SNED1: variants seen among roughly 807,000 people sequenced by gnomAD.
SNED1 encodes sushi, nidogen and EGF like domains 1.
In SNED1, 81 loss-of-function variants were observed where a neutral mutation model predicts 166.7. The ratio of observed to expected loss-of-function variants is 0.49; its 90% CI spans 0.41 to 0.58. SNED1 has a LOEUF of 0.58. Among genes scored for constraint, SNED1 ranks in the 20% least tolerant of loss-of-function variants. The probability of loss-of-function intolerance (pLI) is 0.00; values close to 1 mark genes in which losing one functional copy is unlikely to be tolerated. For missense variants in SNED1, 1,604 were observed against 2,000.2 expected, an observed-to-expected ratio of 0.80 and a Z score of 3.78; for synonymous variants, 762 against 822.0, an observed-to-expected ratio of 0.93 and a Z score of 1.25.
Position 241,092,550 on chromosome 2 carries a change from A to C in SNED1, c.*914A>C, listed in dbSNP as rs1292941658. 1 of 152,222 alleles carries C rather than the reference A, an allele frequency of 6.6e-6. No individual in the cohort carries two copies. The highest frequency in any genetic ancestry group is 1.5e-5 in the Non-Finnish European group (1 of 68,050). 9.4% of individuals were successfully genotyped at this position (152,222 alleles called of 1,614,324 possible). ...CTGAATGACAAGTCACAAGGGTATC[A>C]AAGAAAGACCCCTGAATTTTCATGG... On this transcript the variant is annotated 3_prime_UTR_variant, in exon 32 of 32. Transcript: ENST00000310397. The surrounding 1 kb of genome is among the most constrained non-coding windows in gnomAD (Gnocchi z 4.6).
At chr2:241,048,236 G>A in intron 8 of SNED1, 79 bp from the exon 9 acceptor site, 1 of 1,452,850 alleles carries the variant, frequency 6.9e-7, no homozygotes, top group Non-Finnish European at 9.1e-7. Context: ...AAACCCAAAG[G>A]TGCCATTGGA....
At chr2:241,038,436 G>A (rs1425850422) in intron 6 of SNED1, among the ~76,000 whole-genome samples, 1 of 152,224 alleles carries the variant, frequency 6.6e-6, no homozygotes, top group East Asian at 1.9e-4. Context: ...AAGTTCTGCA[G>A]GAATGCAATG....
chr2:241,023,979 G>T (rs1337535516), intron 1 of SNED1, among the ~76,000 whole-genome samples: 1 of 121,890 alleles, frequency 8.2e-6, no homozygotes, highest in East Asian at 2.8e-4. Flanking sequence ...TCCACCCCCC[G>T]GGTTCAGGCA....
chr2:241,037,394 G>A (rs200817412), intron 6 of SNED1, 41 bp downstream of exon 6: 224 of 1,348,420 alleles, frequency 1.7e-4, no homozygotes, highest in Admixed American at 3.9e-4. Context: ...CCTGCTGGGG[G>A]CAGGATAGCG....
intron 27 of SNED1, among the ~76,000 whole-genome samples, chr2:241,077,116 C>T (rs2125276385): frequency 6.6e-6 from 1 of 151,260 alleles, no homozygotes; most frequent in South Asian, 2.1e-4. Flanking sequence ...TGGAAATAAA[C>T]CACACGTCAA....
chr2:241,023,951 G>A (rs375192084), intron 1 of SNED1, among the ~76,000 whole-genome samples: 101 of 129,792 alleles, frequency 7.8e-4, no homozygotes, highest in South Asian at 2.2e-3. Flanking sequence ...GTGCAGTGAC[G>A]GAATCTCTGC....
In SNED1 at chr2:241,082,292, C is replaced by T. The variant is rs540076131; in HGVS notation, c.4049C>T (p.Ser1350Phe). 94 of 1,613,124 alleles carry T rather than the reference C, an allele frequency of 5.8e-5. No homozygotes were observed. The East Asian group carries it at 1.3e-3, about 22-fold the overall frequency. ...RRCELACIKV[S>F]RPCTRLFSET... The stretch of plus-strand genomic sequence containing the variant: ...TTTGTCGCAGCCTGTATAAAGGTGT[C>T]CCGCCCCTGCACAAGGCTGTTCTCC... The change falls in exon 29 of 32, where the codon TCC becomes TTC. Residue 1350 changes from serine (S) to phenylalanine (F), a missense_variant. Physicochemically the swap from Ser to Phe is radical, Grantham distance 155. Coordinates refer to ENST00000310397, the MANE Select transcript of SNED1 (RefSeq NM_001080437.3).
Position 241,051,700 on chromosome 2 carries a change from A to G in SNED1, c.1736-44A>G, listed in dbSNP as rs2061847073. 7 of 1,405,346 alleles carry G rather than the reference A, an allele frequency of 5.0e-6. No homozygotes were observed. The East Asian group carries it at 1.8e-4, about 35-fold the overall frequency. 87.1% of individuals were successfully genotyped at this position (1,405,346 alleles called of 1,614,324 possible). ...GAGGGTATAGTGGCTCTGTGGGGCC[A>G]GCAGCCTGGCCCCGTTCATCTGCCT... On this transcript the variant is annotated intron_variant, in intron 12 of 31. Coordinates refer to ENST00000310397, the MANE Select transcript of SNED1 (RefSeq NM_001080437.3). This position sits in a 1 kb window ranked among gnomAD's most constrained non-coding sequence, Gnocchi z 4.7.
At position 241,051,640 on chromosome 2, in the gene SNED1, GC is replaced by G. The variant is rs2061844795; in HGVS notation, c.1736-100del. On this transcript the variant is annotated intron_variant, in intron 12 of 31. Coordinates refer to ENST00000310397, the MANE Select transcript of SNED1 (RefSeq NM_001080437.3). This position sits in a 1 kb window ranked among gnomAD's most constrained non-coding sequence, Gnocchi z 4.7. ...CAGGCCCCAGGGCTTCGTCGAGAAG[GC>G]CCCACCAGCACCAGAGGACTGAGGA... is the stretch of plus-strand genomic sequence containing the variant. The G allele has an allele frequency of 2.2e-6, 2 of 917,240 alleles. No individual in the cohort carries two copies. The highest frequency in any genetic ancestry group is 1.7e-5 in the African/African-American group (1 of 59,530). The allele number at this position is 917,240 out of a possible 1,614,324, so 56.8% of individuals were successfully genotyped here.
At position 241,077,044 on chromosome 2, in the gene SNED1, A is replaced by C. The variant is rs187718471; in HGVS notation, c.3916+3680A>C. Among the ~76,000 whole-genome samples, 639 of 150,670 alleles carry C rather than the reference A, an allele frequency of 4.2e-3. 4 individuals are homozygous for C. Among genetic ancestry groups the C allele is most frequent in the African/African-American group, 0.015 (617 of 40,822 alleles). On this transcript the variant is annotated intron_variant, in intron 27 of 31. Coordinates refer to ENST00000310397, the MANE Select transcript of SNED1 (RefSeq NM_001080437.3). ...CAGTGAGCTGAGATTGCGCCACTGC[A>C]CTCCAGCCTGGGCGACAGAGCGAGA...
intron 31 of SNED1, chr2:241,089,913 G>A (rs921091637): frequency 4.6e-6 from 7 of 1,529,140 alleles, no homozygotes; most frequent in Non-Finnish European, 5.3e-6. Context: ...ACAGTGCCAA[G>A]TGTGTGTGTA....
chr2:241,021,362 T>C (rs1273169210), intron 1 of SNED1, among the ~76,000 whole-genome samples: 1 of 152,198 alleles, frequency 6.6e-6, no homozygotes, highest in East Asian at 1.9e-4. Context: ...ATTTACAGCG[T>C]TGTATATCCA....
Position 241,051,962 on chromosome 2 carries a change from G to A in SNED1, c.1853-79G>A. ...TGCCAGCTGTGGGTCTGCTTCTCATGAAGAGGCCCCAGCTCTGGGATGTTG... is the reference window on the plus strand; with the variant it reads ...TGCCAGCTGTGGGTCTGCTTCTCATAAAGAGGCCCCAGCTCTGGGATGTTG... On this transcript the variant is annotated intron_variant, in intron 13 of 31. Coordinates refer to ENST00000310397, the MANE Select transcript of SNED1 (RefSeq NM_001080437.3). This position sits in a 1 kb window ranked among gnomAD's most constrained non-coding sequence, Gnocchi z 4.7. 2 of 1,497,868 alleles carry A rather than the reference G, an allele frequency of 1.3e-6. No homozygotes were observed. Among genetic ancestry groups the A allele is most frequent in the Admixed American group, 1.9e-5 (1 of 52,936 alleles). 92.8% of individuals were successfully genotyped at this position (1,497,868 alleles called of 1,614,324 possible). A position where few individuals can be genotyped will look rare whatever the true frequency, so the allele number is the denominator to read the frequency against.
In SNED1 at chr2:241,049,939, G is replaced by A; in HGVS notation, c.1735+6G>A. 1 of 1,607,754 alleles carries A rather than the reference G, an allele frequency of 6.2e-7. No individual in the cohort carries two copies. The highest frequency in any genetic ancestry group is 1.7e-5 in the Admixed American group (1 of 59,990). On this transcript the variant is annotated splice_donor_region_variant and intron_variant, in intron 12 of 31. Coordinates refer to ENST00000310397, the MANE Select transcript of SNED1 (RefSeq NM_001080437.3). ...CGGCAAGCACTGCGAGAAAGGTATG[G>A]CGGGCAGGGGCGTCCGGGCCGGCGT...
intron 1 of SNED1, among the ~76,000 whole-genome samples, chr2:241,001,872 G>T (rs2060087184): frequency 1.3e-5 from 2 of 152,112 alleles, no homozygotes; most frequent in African/African-American, 4.8e-5. Flanking sequence ...TCAAGAGTGG[G>T]TGGTGCCCTG....
intron 4 of SNED1, among the ~76,000 whole-genome samples, chr2:241,036,168 C>T (rs2125021239): frequency 6.6e-6 from 1 of 151,590 alleles, no homozygotes; most frequent in East Asian, 1.9e-4. Flanking sequence ...AGGAAAGATG[C>T]AGTCGCAGGG....
chr2:241,041,079 A>T, intron 8 of SNED1: 1 of 341,356 alleles, frequency 2.9e-6, no homozygotes, highest in South Asian at 2.3e-5. Context: ...TAGTTTAAAA[A>T]ATTCAGGAGG....
Position 241,051,925 on chromosome 2 carries a change from A to AT in SNED1, c.1852+66dup. On this transcript the variant is annotated intron_variant, in intron 13 of 31. Transcript: ENST00000310397. This position sits in a 1 kb window ranked among gnomAD's most constrained non-coding sequence, Gnocchi z 4.7. ...GGCCAGCCCTGAGCTGGGGCCCCTG[A>AT]TGCACCCTCCCTGCCAGCTGTGGGT... is the stretch of plus-strand genomic sequence containing the variant. 4.1e-6 allele frequency: 6 copies of AT among 1,477,444 alleles called. No homozygotes were observed. The highest frequency in any genetic ancestry group is 5.5e-6 in the Non-Finnish European group (6 of 1,086,152). 91.5% of individuals were successfully genotyped at this position (1,477,444 alleles called of 1,614,324 possible). A position where few individuals can be genotyped will look rare whatever the true frequency, so the allele number is the denominator to read the frequency against.
intron 9 of SNED1, 55 bp from the exon 10 acceptor site, chr2:241,048,607 G>T: frequency 2.6e-6 from 4 of 1,532,636 alleles, no homozygotes; most frequent in Non-Finnish European, 3.6e-6. Flanking sequence ...TCTGGAGCGA[G>T]GGTGCCATCT....
Sources: gnomAD v4.1 joint callset for allele counts (sites outside exome capture counted in the v4.1 genomes callset) on GRCh38, gnomAD v4.1.1 for gene constraint, Gnocchi (gnomAD v3.1) non-coding constraint, MANE v1.5 for transcripts, NCBI Gene and HGNC (gene_info 2026-07-23, HGNC 2026-07-21) for gene names.